GAS2L1: variants seen among roughly 807,000 people sequenced by gnomAD.
GAS2L1 encodes the protein GAS2-like protein 1.
In GAS2L1, 26 loss-of-function variants were observed where a neutral mutation model predicts 44.0. That is an observed-to-expected ratio of 0.59 (90% CI 0.43 to 0.82). GAS2L1 has a LOEUF of 0.82. GAS2L1 is among the 40% of genes least tolerant of loss of function. GAS2L1 has a pLI of 0.00. For missense variants in GAS2L1, 1,006 were observed against 983.0 expected (o/e 1.02, Z -0.31); for synonymous variants, 426 against 415.9 (o/e 1.02, Z -0.30).
At position 29,311,007 on chromosome 22, in the gene GAS2L1, CAGG is replaced by C; in HGVS notation, c.1010+14_1010+16del. The stretch of plus-strand genomic sequence containing the variant: ...CCCGAGACCCCACCCAGGTGAGATG[CAGG>C]AGGACGAGGAGTGAGGGGTCCAGAG... On this transcript the variant is annotated intron_variant, in intron 4 of 4. Coordinates refer to ENST00000618518, the Ensembl canonical transcript of GAS2L1. 1 of 1,608,330 alleles carries C rather than the reference CAGG, an allele frequency of 6.2e-7. No homozygotes were observed. The highest frequency in any genetic ancestry group is 8.5e-7 in the Non-Finnish European group (1 of 1,177,880).
chr22:29,310,242 C>G, intron 1 of GAS2L1, 197 bp from the exon 3 acceptor site: 1 of 188,146 alleles, frequency 5.3e-6, no homozygotes, highest in Non-Finnish European at 9.2e-6. Flanking sequence ...AACTCCAACT[C>G]AAAAAAAAAA....
exon 1 of GAS2L1, chr22:29,308,563 T>C (rs1197278680): frequency 6.3e-7 from 1 of 1,598,946 alleles, no homozygotes; most frequent in Admixed American, 1.7e-5. Context: ...CTGGGCCTGC[T>C]GGCCCCACGC....
chr22:29,310,687 T>C, exon 3 of GAS2L1: 2 of 1,608,832 alleles, frequency 1.2e-6, no homozygotes, highest in Non-Finnish European at 1.7e-6. Context: ...TGGGACACGC[T>C]GGAGCATTAC....
chr22:29,309,855 A>G (rs1175251092), intron 1 of GAS2L1, among the ~76,000 whole-genome samples: 3 of 152,126 alleles, frequency 2.0e-5, no homozygotes, highest in Non-Finnish European at 2.9e-5. Flanking sequence ...CCCCAGGTCT[A>G]GGGGCTGTGG....
exon 1 of GAS2L1, chr22:29,308,566 C>A: frequency 1.3e-6 from 2 of 1,598,196 alleles, no homozygotes; most frequent in Non-Finnish European, 1.7e-6. Flanking sequence ...GGCCTGCTGG[C>A]CCCACGCCTC....
chr22:29,311,346 G>A (rs971833251), intron 4 of GAS2L1, 116 bp from the exon 6 acceptor site: 272 of 597,320 alleles, frequency 4.6e-4, no homozygotes, highest in Non-Finnish European at 7.3e-4. Context: ...AGGACAGACC[G>A]ATGCCCCTGA....
chr22:29,310,756 G>C (rs1196188024), intron 3 of GAS2L1, 22 bp downstream of exon 4: 1 of 1,605,858 alleles, frequency 6.2e-7, no homozygotes, highest in Admixed American at 1.7e-5. Flanking sequence ...GGTGGGGCTG[G>C]GGCTGGACGG....
intron 1 of GAS2L1, among the ~76,000 whole-genome samples, chr22:29,310,114 T>C (rs946930215): frequency 6.6e-6 from 1 of 151,904 alleles, no homozygotes; most frequent in Non-Finnish European, 1.5e-5. Flanking sequence ...TGGTGGTGCA[T>C]GCCTGTAATC....
chr22:29,311,561 C>T, exon 5 of GAS2L1: 1 of 1,542,828 alleles, frequency 6.5e-7, no homozygotes, highest in South Asian at 1.2e-5. Context: ...TTGGTACCCG[C>T]AGTGATGACA....
At chr22:29,311,833 G>T (rs1238151697) in exon 5 of GAS2L1, 11 of 1,592,336 alleles carry the variant, frequency 6.9e-6, no homozygotes, top group Non-Finnish European at 8.5e-6. Flanking sequence ...GTGCCAAGGG[G>T]CAGGGGCAGT....
At chr22:29,306,725 G>A (rs1424351514), upstream of GAS2L1, 1 of 152,314 alleles carries the variant, frequency 6.6e-6, no homozygotes, top group Non-Finnish European at 1.5e-5. Flanking sequence ...TCTGGGGAGG[G>A]GGGCGATTAA....
exon 1 of GAS2L1, chr22:29,308,020 C>T: frequency 9.0e-7 from 1 of 1,109,562 alleles, no homozygotes; most frequent in Non-Finnish European, 1.2e-6. Context: ...AGGTGGCCAG[C>T]AGCTTAATTT....
exon 1 of GAS2L1, chr22:29,308,597 T>G: frequency 3.1e-6 from 5 of 1,599,070 alleles, no homozygotes; most frequent in Non-Finnish European, 4.3e-6. Flanking sequence ...AGCAGGAGAT[T>G]GAGCGGGAGC....
chr22:29,310,268 T>TTA, intron 1 of GAS2L1, 171 bp from the exon 3 acceptor site: 1 of 372,746 alleles, frequency 2.7e-6, no homozygotes, highest in Non-Finnish European at 4.7e-6. Context: ...TAAAAAAAAA[T>TTA]AAAAAAAATA....
chr22:29,308,130 G>C, exon 1 of GAS2L1: 1 of 1,561,242 alleles, frequency 6.4e-7, no homozygotes, highest in Non-Finnish European at 8.7e-7. Flanking sequence ...GGCGGGCATC[G>C]CGGGCTCGGC....
chr22:29,308,770 C>A, intron 1 of GAS2L1, 32 bp downstream of exon 2: 1 of 1,461,408 alleles, frequency 6.8e-7, no homozygotes, highest in East Asian at 2.4e-5. Flanking sequence ...GCCAGGGACC[C>A]GACAGCACAG....
chr22:29,311,508 G>A (rs752899183), exon 5 of GAS2L1: 4 of 1,527,960 alleles, frequency 2.6e-6, no homozygotes, highest in Non-Finnish European at 3.5e-6. Flanking sequence ...CCGCTACTCC[G>A]GGGACAGTGA....
chr22:29,311,842 G>A (rs2061411706), exon 5 of GAS2L1: 1 of 1,593,518 alleles, frequency 6.3e-7, no homozygotes, highest in South Asian at 1.1e-5. Flanking sequence ...GGCAGGGGCA[G>A]TGGGGGCTCG....
chr22:29,311,736 A>C, exon 5 of GAS2L1: 2 of 1,532,926 alleles, frequency 1.3e-6, no homozygotes, highest in East Asian at 2.4e-5. Context: ...GTCGGTCCCC[A>C]GCCCTGCCCG....
Sources: gnomAD v4.1 joint callset for allele counts (sites outside exome capture counted in the v4.1 genomes callset) on GRCh38, gnomAD v4.1.1 for gene constraint, MANE v1.5 for transcripts, NCBI Gene and HGNC (gene_info 2026-07-23, HGNC 2026-07-21) for gene names.